MECOM: variants seen among roughly 807,000 people sequenced by gnomAD.
The protein encoded by MECOM is MDS1 and EVI1 complex locus, also known as histone-lysine N-methyltransferase MECOM.
Under a neutral mutation model 116.3 loss-of-function variants are expected in MECOM, and 13 were observed. The observed-to-expected ratio is 0.11, with a 90% confidence interval of 0.07 to 0.18. The LOEUF is 0.18. Among genes scored for constraint, MECOM ranks in the 10% least tolerant of loss-of-function variants. The probability of loss-of-function intolerance (pLI) is 1.00; values close to 1 mark genes in which losing one functional copy is unlikely to be tolerated. For missense variants in MECOM, 1,299 were observed against 1,509.0 expected (o/e 0.86, Z 2.31); for synonymous variants, 528 against 535.2 (o/e 0.99, Z 0.19).
intron 1 of MECOM, among the ~76,000 whole-genome samples, chr3:169,644,357 A>G (rs1773885814): frequency 6.6e-6 from 1 of 152,030 alleles, no homozygotes; most frequent in South Asian, 2.1e-4. Context: ...CCTGGATTCA[A>G]GCGATTCTCT....
chr3:169,342,776 A>C (rs963984890), intron 2 of MECOM, among the ~76,000 whole-genome samples: 9 of 152,182 alleles, frequency 5.9e-5, no homozygotes, highest in African/African-American at 2.2e-4. Flanking sequence ...GTCTCGAGTA[A>C]ACGGAAAATC....
At chr3:169,540,321 C>T (rs190304540) in intron 1 of MECOM, among the ~76,000 whole-genome samples, 218 of 152,268 alleles carry the variant, frequency 1.4e-3, no homozygotes, top group African/African-American at 5.1e-3. Flanking sequence ...TGGCATTCTG[C>T]CTTCTAAACA....
At chr3:169,216,887 C>G (rs780024124) in intron 2 of MECOM, among the ~76,000 whole-genome samples, 1 of 143,602 alleles carries the variant, frequency 7.0e-6, no homozygotes, top group South Asian at 2.3e-4. Flanking sequence ...AAGCTATCGC[C>G]GTGGCCACCA....
At chr3:169,442,603 A>G (rs957397137) in intron 1 of MECOM, among the ~76,000 whole-genome samples, 10 of 152,212 alleles carry the variant, frequency 6.6e-5, no homozygotes, top group African/African-American at 2.4e-4. Context: ...TATATTAAGG[A>G]GATTGTAGAG....
chr3:169,341,284 A>G (rs1724456580), intron 2 of MECOM, among the ~76,000 whole-genome samples: 1 of 152,142 alleles, frequency 6.6e-6, no homozygotes, highest in East Asian at 1.9e-4. Context: ...AAGTGAAATA[A>G]GCCAGGCACA....
At chr3:169,134,399 G>T (rs1318049915) in intron 3 of MECOM, among the ~76,000 whole-genome samples, 2 of 152,166 alleles carry the variant, frequency 1.3e-5, no homozygotes, top group African/African-American at 4.8e-5. Flanking sequence ...GGAGGTAAAA[G>T]GTGACATTCC....
At chr3:169,503,265 G>A (rs1754768463) in intron 1 of MECOM, among the ~76,000 whole-genome samples, 1 of 152,150 alleles carries the variant, frequency 6.6e-6, no homozygotes, top group Admixed American at 6.5e-5. Flanking sequence ...AGAGATGTCA[G>A]TATAGAGCTT....
At chr3:169,240,861 C>G (rs1339207299) in intron 2 of MECOM, among the ~76,000 whole-genome samples, 1 of 152,132 alleles carries the variant, frequency 6.6e-6, no homozygotes, top group African/African-American at 2.4e-5. Flanking sequence ...ATCTACTGTA[C>G]ACTTAGCTAA....
chr3:169,548,022 C>A (rs1164583018), intron 1 of MECOM, among the ~76,000 whole-genome samples: 2 of 152,192 alleles, frequency 1.3e-5, no homozygotes, highest in Admixed American at 1.3e-4. Flanking sequence ...ATGGAGACAT[C>A]AGTACCAATG....
chr3:169,524,515 T>C (rs1192653038), intron 1 of MECOM, among the ~76,000 whole-genome samples: 1 of 152,230 alleles, frequency 6.6e-6, no homozygotes, highest in Non-Finnish European at 1.5e-5. Context: ...TCAGTCTATG[T>C]TCTTCACAGG....
At chr3:169,340,462 T>G (rs1256449074) in intron 2 of MECOM, among the ~76,000 whole-genome samples, 1 of 152,186 alleles carries the variant, frequency 6.6e-6, no homozygotes, top group South Asian at 2.1e-4. Flanking sequence ...GATAGGATTA[T>G]TTTTTAGTTA....
chr3:169,258,080 G>T (rs552065299), intron 2 of MECOM, among the ~76,000 whole-genome samples: 25 of 152,190 alleles, frequency 1.6e-4, no homozygotes, highest in Admixed American at 1.6e-3. Flanking sequence ...AATTGGCTGG[G>T]CTGGTGGTGC....
intron 1 of MECOM, among the ~76,000 whole-genome samples, chr3:169,472,507 G>GAAAAAA (rs1560317572): frequency 1.1e-5 from 1 of 89,128 alleles, no homozygotes; most frequent in East Asian, 2.8e-4. Context: ...GGAAAGGAAA[G>GAAAAAA]GAAAGGAAAG....
intron 2 of MECOM, among the ~76,000 whole-genome samples, chr3:169,232,799 A>G (rs1340888159): frequency 1.3e-5 from 2 of 152,108 alleles, no homozygotes; most frequent in Admixed American, 1.3e-4. Flanking sequence ...TATTTGATTC[A>G]GGCCCCAAAC....
intron 2 of MECOM, among the ~76,000 whole-genome samples, chr3:169,333,851 TC>T (rs1432054325): frequency 6.9e-6 from 1 of 144,822 alleles, no homozygotes; most frequent in African/African-American, 2.5e-5. Flanking sequence ...CTCCCCGCCT[TC>T]CTTCCTTCTT....
At chr3:169,487,532 G>A (rs1210201235) in intron 1 of MECOM, among the ~76,000 whole-genome samples, 1 of 151,862 alleles carries the variant, frequency 6.6e-6, no homozygotes, top group Non-Finnish European at 1.5e-5. Context: ...GAATGTAGGA[G>A]AGGGAAAAAT....
At chr3:169,197,887 A>G (rs893908589) in intron 2 of MECOM, among the ~76,000 whole-genome samples, 1 of 152,012 alleles carries the variant, frequency 6.6e-6, no homozygotes, top group African/African-American at 2.4e-5. Context: ...TTTATCATTG[A>G]TCTTTCAATG....
chr3:169,481,168 C>A (rs995497996), intron 1 of MECOM, among the ~76,000 whole-genome samples: 1 of 152,166 alleles, frequency 6.6e-6, no homozygotes, highest in Non-Finnish European at 1.5e-5. Flanking sequence ...GAACACAAAT[C>A]TACTAATGTG....
intron 1 of MECOM, among the ~76,000 whole-genome samples, chr3:169,532,375 C>T (rs1758756006): frequency 2.6e-5 from 4 of 152,298 alleles, no homozygotes; most frequent in South Asian, 4.1e-4. Flanking sequence ...GGCTAGAAAT[C>T]TCTAACCTAG....
Sources: gnomAD v4.1 joint callset for allele counts (sites outside exome capture counted in the v4.1 genomes callset) on GRCh38, gnomAD v4.1.1 for gene constraint, MANE v1.5 for transcripts, NCBI Gene and HGNC (gene_info 2026-07-23, HGNC 2026-07-21) for gene names.